CLVS1: variants seen among roughly 807,000 people sequenced by gnomAD.
CLVS1 encodes clavesin-1.
Under a neutral mutation model 33.1 loss-of-function variants are expected in CLVS1, and 10 were observed. The ratio of observed to expected loss-of-function variants is 0.30; its 90% CI spans 0.19 to 0.51. The LOEUF is 0.51. Among genes scored for constraint, CLVS1 ranks in the 20% least tolerant of loss-of-function variants. CLVS1 has a pLI of 0.97. For missense variants in CLVS1, 343 were observed against 433.4 expected (o/e 0.79, Z 1.85); for synonymous variants, 163 against 166.1 (o/e 0.98, Z 0.14).
chr8:61,282,945 G>A (rs557584349), intron 2 of CLVS1, among the ~76,000 whole-genome samples: 1 of 152,310 alleles, frequency 6.6e-6, no homozygotes, highest in South Asian at 2.1e-4. Flanking sequence ...CTCCTACCCA[G>A]TGATGCTGTG....
chr8:61,185,461 C>T (rs906823504), intron 2 of CLVS1, among the ~76,000 whole-genome samples: 1 of 152,008 alleles, frequency 6.6e-6, no homozygotes, highest in Non-Finnish European at 1.5e-5. Flanking sequence ...GTTAAGAATT[C>T]AGTTTTAATG....
intron 3 of CLVS1, 73 bp from the exon 4 acceptor site, chr8:61,454,068 G>T: frequency 1.0e-6 from 1 of 1,004,140 alleles, no homozygotes. Flanking sequence ...GTTCTTTGGG[G>T]CATTGGTCCT....
chr8:61,259,850 C>A (rs1216529400), intron 2 of CLVS1, among the ~76,000 whole-genome samples: 1 of 152,194 alleles, frequency 6.6e-6, no homozygotes, highest in African/African-American at 2.4e-5. Context: ...GTGGGTATAT[C>A]CCTGCATGCA....
chr8:61,485,422 G>A (rs13267283), intron 5 of CLVS1, among the ~76,000 whole-genome samples: 81,773 of 151,990 alleles, frequency 0.54, 26,149 homozygotes, highest in Non-Finnish European at 0.71. Context: ...TTAGAATGGC[G>A]ATCATTAAAA....
chr8:61,079,706 T>C (rs1449844360), intron 1 of CLVS1, among the ~76,000 whole-genome samples: 1 of 152,192 alleles, frequency 6.6e-6, no homozygotes, highest in African/African-American at 2.4e-5. Context: ...AGGTCAGAGA[T>C]TTAAAACATC....
intron 1 of CLVS1, among the ~76,000 whole-genome samples, chr8:61,121,042 C>G (rs2129289720): frequency 6.6e-6 from 1 of 151,946 alleles, no homozygotes; most frequent in East Asian, 1.9e-4. Flanking sequence ...GGGCGTAGGA[C>G]CCTCCAAGCC....
At chr8:61,348,743 T>C (rs1039386961) in intron 2 of CLVS1, among the ~76,000 whole-genome samples, 5 of 152,128 alleles carry the variant, frequency 3.3e-5, no homozygotes, top group African/African-American at 1.2e-4. Context: ...TACCCAGAGA[T>C]GGGATTGCTG....
At chr8:61,419,901 C>G (rs1277856345) in intron 3 of CLVS1, among the ~76,000 whole-genome samples, 1 of 152,208 alleles carries the variant, frequency 6.6e-6, no homozygotes, top group Non-Finnish European at 1.5e-5. Context: ...AGAATAATTT[C>G]CTAACCCCTT....
Position 61,239,265 on chromosome 8 carries a change from T to C in CLVS1, c.-151-60412T>C, listed in dbSNP as rs118037868. ...CTAGGGTTGTACATTGTAGAATCTA[T>C]ACAACTGGACATATCAACCCTGCAG... On this transcript the variant is annotated intron_variant, in intron 2 of 2. Coordinates refer to the CLVS1 transcript ENST00000522621. Among the ~76,000 whole-genome samples the C allele has an allele frequency of 1.5e-3, 229 of 152,344 alleles. 1 individual carries two copies. In the East Asian group the frequency reaches 0.032, roughly 21 times the overall value.
chr8:61,457,762 A>AAAAC (rs1016209143), intron 4 of CLVS1, among the ~76,000 whole-genome samples: 21 of 152,180 alleles, frequency 1.4e-4, no homozygotes, highest in African/African-American at 1.7e-4. Flanking sequence ...ACATATCAGA[A>AAAAC]AAACAAACAA....
At chr8:61,156,594 C>G (rs760894945) in intron 2 of CLVS1, among the ~76,000 whole-genome samples, 2 of 152,030 alleles carry the variant, frequency 1.3e-5, no homozygotes, top group Non-Finnish European at 2.9e-5. Flanking sequence ...AGTTTCTTTT[C>G]CATTACCAAG....
At chr8:61,374,615 A>G (rs908413333) in intron 2 of CLVS1, among the ~76,000 whole-genome samples, 6 of 152,248 alleles carry the variant, frequency 3.9e-5, no homozygotes. Flanking sequence ...CAAAGTCCCA[A>G]TGAAAACCTA....
chr8:61,410,131 A>T (rs16927301), intron 3 of CLVS1, among the ~76,000 whole-genome samples: 1 of 134,820 alleles, frequency 7.4e-6, no homozygotes, highest in Non-Finnish European at 1.6e-5. Flanking sequence ...AGTATTTATC[A>T]GTCTTACATA....
At chr8:61,473,716 A>G (rs903903079) in intron 5 of CLVS1, among the ~76,000 whole-genome samples, 2 of 152,226 alleles carry the variant, frequency 1.3e-5, no homozygotes, top group African/African-American at 4.8e-5. Context: ...AGAATAAACA[A>G]GATCTGATGA....
At chr8:61,127,436 C>A (rs1437613174) in intron 1 of CLVS1, among the ~76,000 whole-genome samples, 1 of 152,080 alleles carries the variant, frequency 6.6e-6, no homozygotes, top group Non-Finnish European at 1.5e-5. Context: ...TCAGGCTGGT[C>A]TATGAACTCC....
chr8:61,265,851 C>A (rs775331614), intron 2 of CLVS1, among the ~76,000 whole-genome samples: 1 of 152,188 alleles, frequency 6.6e-6, no homozygotes, highest in Non-Finnish European at 1.5e-5. Flanking sequence ...AATGAGCTAG[C>A]ATGCCATGAT....
chr8:61,475,742 AG>A (rs1336701523), intron 5 of CLVS1, among the ~76,000 whole-genome samples: 3 of 152,096 alleles, frequency 2.0e-5, no homozygotes, highest in Non-Finnish European at 4.4e-5. Context: ...CCCATTCTGT[AG>A]GTTGCCTGTT....
At position 61,272,630 on chromosome 8, in the gene CLVS1, C is replaced by T. The variant is rs1203317488; in HGVS notation, c.-151-27047C>T. Among the ~76,000 whole-genome samples the T allele has an allele frequency of 1.5e-4, 23 of 152,192 alleles. 1 individual carries two copies. Among genetic ancestry groups the T allele is most frequent in the Admixed American group, 1.5e-3 (23 of 15,278 alleles). ...ATTCTCCCCATCACTTTCAGGTACA[C>T]CAATCAGACGTAGATTTGGTCTTTT... is the stretch of plus-strand genomic sequence containing the variant. On this transcript the variant is annotated intron_variant, in intron 2 of 2. Coordinates refer to the CLVS1 transcript ENST00000522621.
chr8:61,246,166 ACTTT>A (rs1808803278), intron 2 of CLVS1, among the ~76,000 whole-genome samples: 1 of 82,422 alleles, frequency 1.2e-5, no homozygotes, highest in Non-Finnish European at 2.7e-5. Flanking sequence ...TTCCTTCCCA[ACTTT>A]TTTTTTTTTT....
Sources: allele counts gnomAD v4.1 joint callset (sites outside exome capture counted in the v4.1 genomes callset), GRCh38; gene constraint gnomAD v4.1.1; transcripts MANE v1.5; gene names NCBI Gene and HGNC (gene_info 2026-07-23, HGNC 2026-07-21).